KCNQ2: variants seen among roughly 807,000 people sequenced by gnomAD.
KCNQ2 encodes potassium voltage-gated channel subfamily Q member 2.
KCNQ2 carries 14 observed loss-of-function variants against 84.8 expected under a neutral mutation model. The ratio of observed to expected loss-of-function variants is 0.17; its 90% CI spans 0.11 to 0.26. The LOEUF (loss-of-function observed/expected upper bound fraction) is 0.26, where lower values mean the gene tolerates loss of function less well. Ranked by LOEUF, KCNQ2 falls within the 10% of genes least tolerant of loss-of-function variation. The pLI, the probability that KCNQ2 is intolerant of heterozygous loss-of-function variation, is 1.00. For synonymous variants in KCNQ2, 599 were observed against 554.1 expected (o/e 1.08, Z -1.14); for missense variants, 788 against 1,254.0 (o/e 0.63, Z 5.61).
At chr20:63,415,181 G>A in intron 12 of KCNQ2, 55 bp from the exon 13 acceptor site, 1 of 1,470,780 alleles carries the variant, frequency 6.8e-7, no homozygotes. Flanking sequence ...AAGTCACTCT[G>A]CAAAGAACAC....
chr20:63,418,268 G>A (rs894504790), intron 12 of KCNQ2, among the ~76,000 whole-genome samples: 1 of 152,260 alleles, frequency 6.6e-6, no homozygotes, highest in South Asian at 2.1e-4. Context: ...TGTGCGAGGG[G>A]CGTCCGTGGC....
At chr20:63,417,875 C>G (rs907907264) in intron 12 of KCNQ2, among the ~76,000 whole-genome samples, 1 of 152,196 alleles carries the variant, frequency 6.6e-6, no homozygotes, top group African/African-American at 2.4e-5. Flanking sequence ...CAGGGGCCGC[C>G]GGGACGCAGC....
chr20:63,449,844 C>T (rs2081554178), intron 1 of KCNQ2, among the ~76,000 whole-genome samples: 2 of 151,916 alleles, frequency 1.3e-5, no homozygotes, highest in South Asian at 2.2e-4. Flanking sequence ...GGGCCCCCAT[C>T]ACCCCAGGCT....
chr20:63,426,388 A>G (rs931076149), intron 10 of KCNQ2, among the ~76,000 whole-genome samples: 4 of 152,178 alleles, frequency 2.6e-5, no homozygotes, highest in African/African-American at 9.7e-5. Context: ...TCTCCAAAGC[A>G]GGCTTTGCCA....
chr20:63,408,385 C>T lies in KCNQ2; in HGVS notation c.1887+28G>A, dbSNP rs763653798. ...GGCAGGCACCACAGCCCTCCAGCCC[C>T]GCACCCCTCCCGCCCAGCCTCTCGC... is the stretch of plus-strand genomic sequence containing the variant. On this transcript the variant is annotated intron_variant, in intron 16 of 16. Coordinates refer to ENST00000359125, the MANE Select transcript of KCNQ2 (RefSeq NM_172107.4). This position sits in a 1 kb window ranked among gnomAD's most constrained non-coding sequence, Gnocchi z 5.0. The T allele has an allele frequency of 1.7e-5, 27 of 1,603,128 alleles. No individual in the cohort carries two copies. In the Admixed American group the frequency reaches 1.8e-4, roughly 11 times the overall value.
At position 63,407,361 on chromosome 20, in the gene KCNQ2, C is replaced by A; in HGVS notation, c.1902G>T (p.Glu634Asp). The A allele has an allele frequency of 6.3e-7, 1 of 1,597,804 alleles. No individual in the cohort carries two copies. Among genetic ancestry groups the A allele is most frequent in the African/African-American group, 1.3e-5 (1 of 75,056 alleles). The change falls in exon 17 of 17, where the codon GAG (glutamate) becomes GAT (aspartate). Residue 634 changes from glutamate (E) to aspartate (D), a missense_variant. Glu to Asp is a conservative substitution (Grantham distance 45). This residue lies in a region of KCNQ2 where 378 missense variants were observed against 434.5 expected (regional missense o/e 0.87). Transcript: ENST00000359125. The surrounding 1 kb of genome is among the most constrained non-coding windows in gnomAD (Gnocchi z 7.2). Reference protein sequence around the residue: ...GKVEKQVLSMEKKLDFLVNIY... With the variant: ...GKVEKQVLSMDKKLDFLVNIY... The stretch of plus-strand genomic sequence containing the variant: ...TATTCACCAGGAAGTCCAGCTTCTT[C>A]TCCATGGACAAGACCTGCAAAAGGG...
intron 15 of KCNQ2, 86 bp downstream of exon 15, chr20:63,413,364 C>A: frequency 6.5e-7 from 1 of 1,545,582 alleles, no homozygotes; most frequent in Non-Finnish European, 8.9e-7. Flanking sequence ...ACACCCCCTG[C>A]ACTCCCACCA....
chr20:63,413,335 G>A (rs778386217), intron 15 of KCNQ2, 115 bp downstream of exon 15: 1 of 1,256,992 alleles, frequency 8.0e-7, no homozygotes, highest in Non-Finnish European at 1.1e-6. Flanking sequence ...GACGTGGGTG[G>A]GGAGGAGGCC....
rs1180398881 is a variant in KCNQ2, at chr20:63,400,929, G to A, written c.*5715C>T. 1 of 398,110 alleles carries A rather than the reference G, an allele frequency of 2.5e-6. No individual in the cohort carries two copies. Among genetic ancestry groups the A allele is most frequent in the African/African-American group, 2.1e-5 (1 of 48,614 alleles). 24.7% of individuals were successfully genotyped at this position (398,110 alleles called of 1,614,324 possible). ...CCAGGGGGCATGGGGCGACCTCAGG[G>A]AGTTCCTGTCCACATGCATTAAGGC... is the stretch of plus-strand genomic sequence containing the variant. On this transcript the variant is annotated 3_prime_UTR_variant, in exon 17 of 17. Coordinates refer to ENST00000359125, the MANE Select transcript of KCNQ2 (RefSeq NM_172107.4). This position sits in a 1 kb window ranked among gnomAD's most constrained non-coding sequence, Gnocchi z 8.7.
At chr20:63,411,716 C>T (rs1211014130) in intron 15 of KCNQ2, 104 of 578,424 alleles carry the variant, frequency 1.8e-4, no homozygotes, top group Non-Finnish European at 9.7e-5. Context: ...CGTCATGTGG[C>T]CTGGAGCGAA....
intron 9 of KCNQ2, 96 bp from the exon 10 acceptor site, chr20:63,428,531 A>G: frequency 9.5e-7 from 1 of 1,056,076 alleles, no homozygotes; most frequent in Non-Finnish European, 1.4e-6. Context: ...AGGCGCCTGC[A>G]GTGTCAGACA....
chr20:63,431,182 C>T (rs1247775322), intron 9 of KCNQ2, among the ~76,000 whole-genome samples, 158 bp downstream of exon 9: 2 of 151,674 alleles, frequency 1.3e-5, no homozygotes, highest in African/African-American at 2.4e-5. Context: ...CATGGGGCCA[C>T]GCAGGGCAGG....
chr20:63,457,492 C>G (rs1005646905), intron 1 of KCNQ2, among the ~76,000 whole-genome samples: 1 of 152,266 alleles, frequency 6.6e-6, no homozygotes, highest in Non-Finnish European at 1.5e-5. Flanking sequence ...TGCCTATGCC[C>G]GCCTGCACCC....
At chr20:63,457,362 C>T (rs912963616) in intron 1 of KCNQ2, among the ~76,000 whole-genome samples, 5 of 152,244 alleles carry the variant, frequency 3.3e-5, no homozygotes, top group African/African-American at 1.2e-4. Context: ...CAGGTGGGAC[C>T]GAGCCTCCCA....
rs754250122 is a variant in KCNQ2 at position 63,445,267 on chromosome 20, T to C, written c.485A>G (p.Lys162Arg). 6.2e-7 allele frequency: 1 copy of C among 1,613,708 alleles called. No individual in the cohort carries two copies. The highest frequency in any genetic ancestry group is 1.3e-5 in the African/African-American group (1 of 74,924). ...CACACAGAACGGTTTCCGGGCAAAC[T>C]TGAGCCGCCCCCTCCAGCCACGGTA... ...CRYRGWRGRLKFARKPFCVID... is the reference protein window; with the variant it reads ...CRYRGWRGRLRFARKPFCVID... Residue 162 changes from lysine (K) to arginine (R), a missense_variant, in exon 3 of 17, where the codon AAG (lysine) becomes AGG (arginine). Physicochemically the swap from Lys to Arg is conservative, Grantham distance 26 (BLOSUM62 2). Transcript: ENST00000359125.
At position 63,411,820 on chromosome 20, in the gene KCNQ2, T is replaced by C. The variant is rs1437253757; in HGVS notation, c.1763+1630A>G. 1.2e-5 allele frequency: 8 copies of C among 686,346 alleles called. No individual in the cohort carries two copies. In the South Asian group the frequency reaches 1.3e-4, roughly 11 times the overall value. The allele number at this position is 686,346 out of a possible 1,614,324, so 42.5% of individuals were successfully genotyped here. ...CTCTCTCGGAGGGGCCGTGGGTCCT[T>C]TGGTGGGGTACTTCTTGTGCCGGGG... On this transcript the variant is annotated intron_variant, in intron 15 of 16. Transcript: ENST00000359125.
chr20:63,418,661 A>C (rs1601587754), intron 12 of KCNQ2, among the ~76,000 whole-genome samples: 1 of 152,318 alleles, frequency 6.6e-6, no homozygotes, highest in East Asian at 1.9e-4. Context: ...CACGCAGGAC[A>C]GCTGCTAGCG....
chr20:63,453,503 C>A (rs1047257289), intron 1 of KCNQ2, among the ~76,000 whole-genome samples: 5 of 152,222 alleles, frequency 3.3e-5, no homozygotes, highest in African/African-American at 1.2e-4. Context: ...GTCTGCCTAA[C>A]GGGGTTTTCT....
At chr20:63,442,860 C>T (rs1408607394) in intron 4 of KCNQ2, among the ~76,000 whole-genome samples, 7 of 66,964 alleles carry the variant, frequency 1.0e-4, no homozygotes, top group Middle Eastern at 0.011. Flanking sequence ...ATCACCACCA[C>T]CATCACCATC....
Sources: gnomAD v4.1 joint callset for allele counts (sites outside exome capture counted in the v4.1 genomes callset) on GRCh38, gnomAD v4.1.1 for gene constraint, gnomAD v4.1.1 regional missense constraint, Gnocchi (gnomAD v3.1) non-coding constraint, MANE v1.5 for transcripts, NCBI Gene and HGNC (gene_info 2026-07-23, HGNC 2026-07-21) for gene names.